CD109: variants seen among roughly 807,000 people sequenced by gnomAD.
CD109 encodes CD109 molecule, also known as CD109 antigen.
In CD109, 149 loss-of-function variants were observed where a neutral mutation model predicts 165.8. The observed-to-expected ratio is 0.90, with a 90% CI of 0.79 to 1.03. The LOEUF is 1.03. CD109 is among the 50% of genes least tolerant of loss of function. The probability of loss-of-function intolerance (pLI) is 0.00; values close to 1 mark genes in which losing one functional copy is unlikely to be tolerated. For missense variants in CD109, 1,712 were observed against 1,677.8 expected, an observed-to-expected ratio of 1.02 and a Z score of -0.36; for synonymous variants, 585 against 592.1, an observed-to-expected ratio of 0.99 and a Z score of 0.18.
intron 8 of CD109, 109 bp downstream of exon 8, chr6:73,762,589 A>G (rs924257745): frequency 2.2e-5 from 21 of 973,830 alleles, no homozygotes; most frequent in South Asian, 9.9e-5. Flanking sequence ...GAAAATCAAG[A>G]GCTTTCCAGC....
intron 5 of CD109, among the ~76,000 whole-genome samples, chr6:73,744,013 G>T (rs1455291590): frequency 6.6e-6 from 1 of 152,184 alleles, no homozygotes; most frequent in African/African-American, 2.4e-5. Flanking sequence ...TTATTAATCA[G>T]TGTAGCGTTA....
intron 15 of CD109, among the ~76,000 whole-genome samples, chr6:73,775,835 T>C (rs749074208): frequency 6.6e-6 from 1 of 152,218 alleles, no homozygotes; most frequent in African/African-American, 2.4e-5. Flanking sequence ...TCCATGTACC[T>C]GCAAAGGAGA....
chr6:73,723,271 C>G lies in CD109; in HGVS notation c.268C>G (p.Leu90Val). Residue 90 changes from leucine (L) to valine (V), a missense_variant, in exon 3 of 33, where the codon CTT (leucine) becomes GTT (valine). Leu to Val is a conservative substitution (Grantham distance 32). Transcript: ENST00000287097. ...FEKGSFKTLT[L>V]PSLPLNSADE... ...TGTAGGCTCTTTTAAGACACTTACT[C>G]TTCCATCAGTAAGTATCCATTTAAA... is the stretch of plus-strand genomic sequence containing the variant. 1 of 1,611,344 alleles carries G rather than the reference C, an allele frequency of 6.2e-7. No homozygotes were observed. The highest frequency in any genetic ancestry group is 1.3e-5 in the African/African-American group (1 of 74,948).
intron 30 of CD109, among the ~76,000 whole-genome samples, chr6:73,815,454 T>C (rs1295106784): frequency 6.6e-6 from 1 of 151,934 alleles, no homozygotes; most frequent in African/African-American, 2.4e-5. Flanking sequence ...TATTTCTTGT[T>C]ATGAGTTATT....
intron 24 of CD109, among the ~76,000 whole-genome samples, chr6:73,804,355 A>G (rs1163682182): frequency 5.3e-5 from 8 of 152,238 alleles, no homozygotes; most frequent in Admixed American, 3.9e-4. Flanking sequence ...TTACCTCAGT[A>G]TAGTGTTTTG....
At chr6:73,729,002 T>G (rs1172828667) in intron 3 of CD109, among the ~76,000 whole-genome samples, 1 of 152,240 alleles carries the variant, frequency 6.6e-6, no homozygotes, top group Non-Finnish European at 1.5e-5. Context: ...GCTGCAGTCA[T>G]CTGAAGGCTT....
intron 5 of CD109, among the ~76,000 whole-genome samples, chr6:73,754,340 G>A (rs1029614225): frequency 6.6e-6 from 1 of 152,098 alleles, no homozygotes. Context: ...AGAAAGAGAT[G>A]CATAAAGGAA....
chr6:73,757,171 A>G (rs570906170), intron 6 of CD109, among the ~76,000 whole-genome samples: 1 of 152,232 alleles, frequency 6.6e-6, no homozygotes, highest in South Asian at 2.1e-4. Flanking sequence ...GATGAGACTG[A>G]AAGCATAGGA....
At position 73,826,441 on chromosome 6, in the gene CD109, G is replaced by A. The variant is rs1418567930; in HGVS notation, c.*2808G>A. ...ACCAGCATATCTTACCTCTCTTTCT[G>A]ACTGGCCGATGCTTCCAGAGACTGA... On this transcript the variant is annotated 3_prime_UTR_variant, in exon 33 of 33. Transcript: ENST00000287097. The A allele has an allele frequency of 6.6e-6, 1 of 152,194 alleles. No homozygotes were observed. The highest frequency in any genetic ancestry group is 2.4e-5 in the African/African-American group (1 of 41,496). 9.4% of individuals were successfully genotyped at this position (152,194 alleles called of 1,614,324 possible).
At chr6:73,764,539 G>T (rs139918606) in intron 10 of CD109, among the ~76,000 whole-genome samples, 2 of 152,340 alleles carry the variant, frequency 1.3e-5, no homozygotes, top group African/African-American at 2.4e-5. Context: ...GTCAGGCCTG[G>T]CGTGGTGGCT....
At chr6:73,723,054 AT>A in intron 2 of CD109, 196 bp from the exon 3 acceptor site, 1 of 875,862 alleles carries the variant, frequency 1.1e-6, no homozygotes, top group Non-Finnish European at 1.4e-6. Flanking sequence ...TTTAATCCTG[AT>A]TTTTAATTGT....
intron 18 of CD109, among the ~76,000 whole-genome samples, 184 bp from the exon 19 acceptor site, chr6:73,783,523 C>T (rs1314385622): frequency 6.6e-6 from 1 of 152,040 alleles, no homozygotes; most frequent in Non-Finnish European, 1.5e-5. Context: ...TTATGATGAC[C>T]TATTCTTTGA....
the CD109 span, among the ~76,000 whole-genome samples, chr6:73,686,450 C>A: frequency 2.6e-5 from 4 of 152,146 alleles, no homozygotes; most frequent in Admixed American, 6.5e-5. Flanking sequence ...GCATTTAAAT[C>A]TAGAAATTTA....
chr6:73,803,630 T>A (rs1289642598), intron 24 of CD109, among the ~76,000 whole-genome samples: 4 of 151,830 alleles, frequency 2.6e-5, no homozygotes, highest in Non-Finnish European at 4.4e-5. Context: ...CACAGCTTTT[T>A]TCTTAATCTT....
At chr6:73,754,832 A>C (rs537075699) in intron 5 of CD109, among the ~76,000 whole-genome samples, 4 of 152,338 alleles carry the variant, frequency 2.6e-5, no homozygotes, top group Admixed American at 2.0e-4. Context: ...GAGTTAGAGC[A>C]AAAACACAGT....
chr6:73,819,865 T>C (rs1776052514), intron 31 of CD109, among the ~76,000 whole-genome samples: 1 of 152,258 alleles, frequency 6.6e-6, no homozygotes, highest in Admixed American at 6.5e-5. Flanking sequence ...GAGTGTCCAG[T>C]ACTCTTTGAG....
chr6:73,823,485 C>G lies in CD109; in HGVS notation c.4190C>G (p.Ser1397Cys). The G allele has an allele frequency of 6.2e-7, 1 of 1,613,082 alleles. No individual in the cohort carries two copies. The highest frequency in any genetic ancestry group is 8.5e-7 in the Non-Finnish European group (1 of 1,179,224). ...PRRQAVRSYN[S>C]EVKLSSCDLC... ...AGACAGGCGGTGAGAAGTTACAACT[C>G]TGAAGTGAAGCTGTCCTCCTGTGAC... is the stretch of plus-strand genomic sequence containing the variant. Residue 1397 changes from serine (S) to cysteine (C), a missense_variant, in exon 33 of 33, where the codon TCT becomes TGT. Ser to Cys is a moderately radical substitution (Grantham distance 112, BLOSUM62 -1). Transcript: ENST00000287097.
Position 73,814,894 on chromosome 6 carries a change from A to G in CD109, c.3769-87A>G, listed in dbSNP as rs565321239. Reference sequence around the variant, plus strand: ...AAAATCTTACTGGGTCCATCCAAAGAGAATCATTACCTAATACAGTATTTA... The same window carrying G: ...AAAATCTTACTGGGTCCATCCAAAGGGAATCATTACCTAATACAGTATTTA... On this transcript the variant is annotated intron_variant, in intron 29 of 32. Transcript: ENST00000287097. 5.6e-6 allele frequency: 5 copies of G among 891,244 alleles called. No individual in the cohort carries two copies. The South Asian group carries it at 1.5e-4, about 27-fold the overall frequency. The allele number at this position is 891,244 out of a possible 1,614,324, so 55.2% of individuals were successfully genotyped here.
intron 2 of CD109, among the ~76,000 whole-genome samples, chr6:73,718,874 G>C (rs1211897860): frequency 1.3e-5 from 2 of 151,962 alleles, no homozygotes; most frequent in African/African-American, 4.8e-5. Context: ...CTGATCTGTT[G>C]GTTGTTTCAT....
Sources: gnomAD v4.1 joint callset for allele counts (sites outside exome capture counted in the v4.1 genomes callset) on GRCh38, gnomAD v4.1.1 for gene constraint, MANE v1.5 for transcripts, NCBI Gene and HGNC (gene_info 2026-07-23, HGNC 2026-07-21) for gene names.